HACE1: variants seen among roughly 807,000 people sequenced by gnomAD.
HACE1 encodes E3 ubiquitin-protein ligase HACE1.
Under a neutral mutation model 118.4 loss-of-function variants are expected in HACE1, and 73 were observed. That is an observed-to-expected ratio of 0.62 (90% confidence interval 0.51 to 0.75). HACE1 has a LOEUF of 0.75. Ranked by LOEUF, HACE1 falls within the 30% of genes least tolerant of loss-of-function variation. The pLI is 0.00. For synonymous variants in HACE1, 368 were observed against 374.8 expected (o/e 0.98, Z 0.21); for missense variants, 749 against 1,102.2 (o/e 0.68, Z 4.54).
intron 7 of HACE1, among the ~76,000 whole-genome samples, chr6:104,805,542 A>G (rs1228886221): frequency 3.3e-5 from 5 of 152,202 alleles, no homozygotes. Flanking sequence ...GGAGGAGTTC[A>G]TGTCCTTTGC....
chr6:104,744,372 T>TA (rs1777173924), intron 21 of HACE1, 140 bp downstream of exon 21: 1 of 799,838 alleles, frequency 1.3e-6, no homozygotes. Context: ...AAAGCTTTCA[T>TA]ATGCACTATT....
intron 19 of HACE1, among the ~76,000 whole-genome samples, chr6:104,765,356 A>G (rs1035324685): frequency 6.6e-6 from 1 of 152,350 alleles, no homozygotes; most frequent in East Asian, 1.9e-4. Context: ...TGGCAAATTT[A>G]CACTTACACT....
intron 19 of HACE1, among the ~76,000 whole-genome samples, chr6:104,762,883 G>A (rs761808499): frequency 6.6e-6 from 1 of 151,278 alleles, no homozygotes; most frequent in African/African-American, 2.4e-5. Flanking sequence ...CCAGCTACTC[G>A]GGAGGCTGAG....
chr6:104,845,529 G>A (rs775874421), intron 4 of HACE1, among the ~76,000 whole-genome samples: 1 of 145,376 alleles, frequency 6.9e-6, no homozygotes, highest in Non-Finnish European at 1.5e-5. Context: ...CCAGGCTGGA[G>A]TACAGTGGCA....
chr6:104,843,105 T>A (rs980393378), intron 5 of HACE1, 118 bp downstream of exon 5: 2 of 728,170 alleles, frequency 2.7e-6, no homozygotes, highest in Non-Finnish European at 5.0e-6. Flanking sequence ...AGCGAGACTC[T>A]GTCTCAAAAA....
chr6:104,730,497 T>TA (rs1186537294), intron 22 of HACE1, 81 bp from the exon 23 acceptor site: 3 of 765,120 alleles, frequency 3.9e-6, no homozygotes, highest in Middle Eastern at 4.6e-4. Context: ...TAAGTTAGGG[T>TA]AGGAATATAT....
intron 7 of HACE1, among the ~76,000 whole-genome samples, chr6:104,801,898 A>G (rs930131143): frequency 9.9e-5 from 15 of 152,200 alleles, no homozygotes; most frequent in Non-Finnish European, 1.5e-4. Flanking sequence ...CCCCAATTAA[A>G]AGACAGACTG....
chr6:104,822,720 G>A (rs1299251143), intron 6 of HACE1, among the ~76,000 whole-genome samples: 2 of 151,952 alleles, frequency 1.3e-5, no homozygotes, highest in Non-Finnish European at 2.9e-5. Flanking sequence ...AGCCTGGCGT[G>A]GTGGTACATG....
chr6:104,806,947 C>T (rs1241483111), intron 7 of HACE1, among the ~76,000 whole-genome samples: 3 of 151,196 alleles, frequency 2.0e-5, no homozygotes, highest in African/African-American at 7.3e-5. Context: ...TTGGGAATGG[C>T]GTATGAAACA....
At chr6:104,849,361 C>T (rs1775957378) in intron 3 of HACE1, 115 bp from the exon 4 acceptor site, 7 of 745,894 alleles carry the variant, frequency 9.4e-6, no homozygotes, top group Non-Finnish European at 1.4e-5. Flanking sequence ...GTTTTTCAGA[C>T]AGTCTTGCTC....
chr6:104,796,742 C>T lies in HACE1; in HGVS notation c.729G>A (p.Glu243=), dbSNP rs761641588. 1.5e-5 allele frequency: 24 copies of T among 1,564,960 alleles called. 2 individuals carry two copies. The South Asian group carries it at 2.4e-4, about 16-fold the overall frequency. The stretch of plus-strand genomic sequence containing the variant: ...GATATTGAATTAATACTTCACAAGT[C>T]TCTCCATATCCACCCTAAAAACAAG... The part of the protein sequence containing the change: ...LDLCVQGGYG[E]TCEVLIQYHP... The change falls in exon 9 of 24, where the codon GAG becomes GAA. Residue 243 remains glutamate, a synonymous_variant. Coordinates refer to ENST00000262903, the MANE Select transcript of HACE1 (RefSeq NM_020771.4).
chr6:104,764,252 A>C (rs1194204145), intron 19 of HACE1, among the ~76,000 whole-genome samples: 2 of 151,948 alleles, frequency 1.3e-5, no homozygotes, highest in African/African-American at 4.8e-5. Flanking sequence ...TAATTTTTGT[A>C]TTTTTAGTAG....
intron 20 of HACE1, among the ~76,000 whole-genome samples, chr6:104,746,153 T>C (rs1489652312): frequency 6.6e-6 from 1 of 152,248 alleles, no homozygotes; most frequent in Non-Finnish European, 1.5e-5. Context: ...TAATGGATTA[T>C]TTTATGTGAA....
At chr6:104,737,305 A>G (rs1411079314) in intron 22 of HACE1, among the ~76,000 whole-genome samples, 1 of 151,124 alleles carries the variant, frequency 6.6e-6, no homozygotes, top group East Asian at 1.9e-4. Context: ...AAAAAAAAAA[A>G]AAGAAAATTT....
intron 12 of HACE1, 35 bp downstream of exon 12, chr6:104,784,950 G>A (rs757369895): frequency 1.5e-6 from 2 of 1,321,688 alleles, no homozygotes; most frequent in East Asian, 2.3e-5. Context: ...TCATCTATCA[G>A]AGAAAAAAAA....
intron 6 of HACE1, among the ~76,000 whole-genome samples, chr6:104,814,580 T>G (rs1377031474): frequency 7.2e-6 from 1 of 137,940 alleles, no homozygotes; most frequent in Admixed American, 7.2e-5. Flanking sequence ...ATAGAAGATA[T>G]GGAATCTAGA....
At chr6:104,756,550 T>C (rs927548089) in intron 19 of HACE1, among the ~76,000 whole-genome samples, 13 of 151,830 alleles carry the variant, frequency 8.6e-5, no homozygotes, top group Non-Finnish European at 1.8e-4. Context: ...AATTCAGTCA[T>C]TGAAAATAGT....
At chr6:104,793,190 C>T (rs1783239422) in intron 10 of HACE1, among the ~76,000 whole-genome samples, 1 of 151,104 alleles carries the variant, frequency 6.6e-6, no homozygotes, top group Non-Finnish European at 1.5e-5. Context: ...TGGCATGAAC[C>T]CGGGAGGTGG....
At chr6:104,764,403 GAGA>G (rs775135557) in intron 19 of HACE1, among the ~76,000 whole-genome samples, 1 of 152,158 alleles carries the variant, frequency 6.6e-6, no homozygotes, top group Non-Finnish European at 1.5e-5. Context: ...GTTTTAAGGT[GAGA>G]AGAAGCAGTT....
Sources: gnomAD v4.1 joint callset for allele counts (sites outside exome capture counted in the v4.1 genomes callset) on GRCh38, gnomAD v4.1.1 for gene constraint, MANE v1.5 for transcripts, NCBI Gene and HGNC (gene_info 2026-07-23, HGNC 2026-07-21) for gene names.